Variants in BCR observed in about 807,000 individuals in gnomAD.
BCR encodes breakpoint cluster region protein.
Under a neutral mutation model 138.6 loss-of-function variants are expected in BCR, and 58 were observed. The ratio of observed to expected loss-of-function variants is 0.42; its 90% CI spans 0.34 to 0.52. BCR has a LOEUF of 0.52. Ranked by LOEUF, BCR falls within the 20% of genes least tolerant of loss-of-function variation. The probability of loss-of-function intolerance (pLI) is 0.06; values close to 1 mark genes in which losing one functional copy is unlikely to be tolerated. For synonymous variants in BCR, 786 were observed against 730.1 expected (o/e 1.08, Z -1.23); for missense variants, 1,599 against 1,727.2 (o/e 0.93, Z 1.32).
chr22:23,295,367 G>C (rs915969992), intron 16 of BCR, among the ~76,000 whole-genome samples: 1 of 152,190 alleles, frequency 6.6e-6, no homozygotes, highest in Non-Finnish European at 1.5e-5. Flanking sequence ...CGTGTCTGTT[G>C]CGTCGGCTCA....
chr22:23,190,542 T>A (rs1374893653), intron 1 of BCR, among the ~76,000 whole-genome samples: 1 of 152,202 alleles, frequency 6.6e-6, no homozygotes, highest in African/African-American at 2.4e-5. Context: ...TTTAACTTAA[T>A]CAGTTCTTGA....
At chr22:23,263,123 G>T (rs942874841) in intron 4 of BCR, 4 of 710,930 alleles carry the variant, frequency 5.6e-6, no homozygotes, top group Admixed American at 3.0e-5. Context: ...ACATCCCGGG[G>T]ACAGGGGCGG....
In BCR at chr22:23,181,477, G is replaced by C. The variant is rs1437213882; in HGVS notation, c.517G>C (p.Glu173Gln). The C allele has an allele frequency of 5.0e-6, 8 of 1,609,948 alleles. No homozygotes were observed. In the Admixed American group the frequency reaches 8.3e-5, roughly 17 times the overall value. The change falls in exon 1 of 23, where the codon GAG becomes CAG. Residue 173 changes from glutamate (E) to glutamine (Q), a missense_variant. By Grantham distance (29) the Glu-to-Gln change is conservative. This residue lies in a region of BCR where 806 missense variants were observed against 635.0 expected (regional missense o/e 1.27). Transcript: ENST00000305877. ...CCATGGCCAGCCCGGGGCGGACGCC[G>C]AGAAGCCCTTCTACGTGAACGTCGA... Reference protein sequence around the residue: ...KGHGQPGADAEKPFYVNVEFH... With the variant: ...KGHGQPGADAQKPFYVNVEFH...
chr22:23,197,797 G>A (rs1011194362), intron 1 of BCR, among the ~76,000 whole-genome samples: 13 of 152,118 alleles, frequency 8.5e-5, no homozygotes, highest in Non-Finnish European at 1.2e-4. Flanking sequence ...TCAGGTACCT[G>A]GAGCTGTTGT....
At chr22:23,264,203 A>G (rs1397261478) in intron 4 of BCR, 1 of 1,206,920 alleles carries the variant, frequency 8.3e-7, no homozygotes, top group Non-Finnish European at 1.2e-6. Context: ...ATAGCGTTGT[A>G]CGGCTGTGGG....
chr22:23,249,167 C>T (rs527512074), intron 1 of BCR, among the ~76,000 whole-genome samples: 1 of 151,348 alleles, frequency 6.6e-6, no homozygotes, highest in African/African-American at 2.4e-5. Context: ...CGGTGGCTCA[C>T]GCCTGTAATC....
intron 1 of BCR, among the ~76,000 whole-genome samples, chr22:23,186,985 C>G (rs574001917): frequency 7.9e-5 from 12 of 152,354 alleles, no homozygotes; most frequent in Non-Finnish European, 1.2e-4. Context: ...ATCCACCCGT[C>G]TTGGCCTCCC....
chr22:23,296,741 A>G (rs2073849579), intron 16 of BCR, among the ~76,000 whole-genome samples: 1 of 152,224 alleles, frequency 6.6e-6, no homozygotes, highest in Non-Finnish European at 1.5e-5. Context: ...CAGCTATTCA[A>G]GACCAGCCTG....
intron 1 of BCR, among the ~76,000 whole-genome samples, chr22:23,198,627 C>T (rs532012968): frequency 6.6e-6 from 1 of 152,056 alleles, no homozygotes; most frequent in Non-Finnish European, 1.5e-5. Context: ...TGAAGAGGAA[C>T]GTGATGCTGG....
At chr22:23,265,377 C>T (rs2073428281) in intron 4 of BCR, among the ~76,000 whole-genome samples, 1 of 152,248 alleles carries the variant, frequency 6.6e-6, no homozygotes, top group Non-Finnish European at 1.5e-5. Flanking sequence ...GTCCCCATGA[C>T]CAGCTCAGTA....
At chr22:23,277,017 C>T (rs2073585595) in intron 8 of BCR, among the ~76,000 whole-genome samples, 1 of 152,212 alleles carries the variant, frequency 6.6e-6, no homozygotes, top group Non-Finnish European at 1.5e-5. Flanking sequence ...CCGCATGCTG[C>T]CATCTGTGTC....
At chr22:23,257,785 C>G (rs538813103) in intron 2 of BCR, among the ~76,000 whole-genome samples, 4 of 152,330 alleles carry the variant, frequency 2.6e-5, no homozygotes, top group East Asian at 3.9e-4. Flanking sequence ...AAGGCAGGCT[C>G]AACTGACAGC....
chr22:23,195,890 T>G (rs981060640), intron 1 of BCR, among the ~76,000 whole-genome samples: 7 of 151,998 alleles, frequency 4.6e-5, no homozygotes, highest in African/African-American at 1.7e-4. Context: ...CTCTCAAAAT[T>G]AAAAACAAAT....
intron 1 of BCR, among the ~76,000 whole-genome samples, chr22:23,220,352 C>A (rs1267138682): frequency 1.3e-5 from 2 of 152,192 alleles, no homozygotes; most frequent in African/African-American, 4.8e-5. Flanking sequence ...CTTGGAGAAG[C>A]CAGAGCCAGG....
chr22:23,188,898 A>G (rs910510799), intron 1 of BCR, among the ~76,000 whole-genome samples: 1 of 151,834 alleles, frequency 6.6e-6, no homozygotes, highest in Non-Finnish European at 1.5e-5. Context: ...ACGGGGTCTC[A>G]CTCTGTCACC....
At chr22:23,296,316 A>G (rs1331758122) in intron 16 of BCR, among the ~76,000 whole-genome samples, 2 of 148,370 alleles carry the variant, frequency 1.3e-5, no homozygotes, top group African/African-American at 5.0e-5. Context: ...GGAGCTTGCA[A>G]TGAGTCAAGA....
At position 23,316,270 on chromosome 22, in the gene BCR, T is replaced by C. The variant is rs1334661960; in HGVS notation, c.*748T>C. ...GGAGAGCGACCTCGTCCCCCGATCC[T>C]GACCGCCCTTCCGGCCCACGCTCTC... is the stretch of plus-strand genomic sequence containing the variant. On this transcript the variant is annotated 3_prime_UTR_variant, in exon 23 of 23. Transcript: ENST00000305877. The C allele has an allele frequency of 6.2e-6, 1 of 162,278 alleles. No individual in the cohort carries two copies. The highest frequency in any genetic ancestry group is 1.1e-5 in the Non-Finnish European group (1 of 87,700). The allele number at this position is 162,278 out of a possible 1,614,324, so 10.1% of individuals were successfully genotyped here. A position where few individuals can be genotyped will look rare whatever the true frequency, so the allele number is the denominator to read the frequency against.
At chr22:23,194,916 G>A (rs1227250340) in intron 1 of BCR, among the ~76,000 whole-genome samples, 2 of 152,154 alleles carry the variant, frequency 1.3e-5, no homozygotes, top group African/African-American at 2.4e-5. Context: ...ACTCCATCCA[G>A]CCTGGGCGAC....
intron 16 of BCR, among the ~76,000 whole-genome samples, chr22:23,307,248 A>C (rs1443726080): frequency 6.6e-6 from 1 of 151,780 alleles, no homozygotes; most frequent in African/African-American, 2.4e-5. Flanking sequence ...GGCACATGCC[A>C]CCATGCTTGG....
Sources: allele counts gnomAD v4.1 joint callset (sites outside exome capture counted in the v4.1 genomes callset), GRCh38; gene constraint gnomAD v4.1.1; regional missense constraint gnomAD v4.1.1; transcripts MANE v1.5; gene names NCBI Gene and HGNC (gene_info 2026-07-23, HGNC 2026-07-21).